PTBP3: variants seen among roughly 807,000 people sequenced by gnomAD.
PTBP3 encodes the protein polypyrimidine tract binding protein 3, also known as polypyrimidine tract-binding protein 3.
A neutral mutation model predicts 58.7 loss-of-function variants in PTBP3; 20 were observed. That is an observed-to-expected ratio of 0.34 (90% confidence interval 0.24 to 0.50). The LOEUF (loss-of-function observed/expected upper bound fraction) is 0.50, where lower values mean the gene tolerates loss of function less well. Ranked by LOEUF, PTBP3 falls within the 20% of genes least tolerant of loss-of-function variation. PTBP3 has a pLI of 0.98. For missense variants in PTBP3, 509 were observed against 637.2 expected, an observed-to-expected ratio of 0.80 and a Z score of 2.17; for synonymous variants, 185 against 219.8, an observed-to-expected ratio of 0.84 and a Z score of 1.40.
chr9:112,374,810 A>G, the PTBP3 span, among the ~76,000 whole-genome samples: 1 of 152,238 alleles, frequency 6.6e-6, no homozygotes, highest in African/African-American at 2.4e-5. Flanking sequence ...CCATATCCAG[A>G]GTAAGTGTCT....
In PTBP3 at chr9:112,268,146, T is replaced by A; in HGVS notation, c.254A>T (p.Tyr85Phe). 6.2e-7 allele frequency: 1 copy of A among 1,613,498 alleles called. No individual in the cohort carries two copies. Among genetic ancestry groups the A allele is most frequent in the Non-Finnish European group, 8.5e-7 (1 of 1,179,842 alleles). ...SEEAAVTMVNYYTPITPHLRS... is the reference protein window; with the variant it reads ...SEEAAVTMVNFYTPITPHLRS... ...AAGGTGAGGAGTAATAGGAGTGTAA[T>A]AATTCACCATAGTAACGGCAGCTTC... Residue 85 changes from tyrosine to phenylalanine, a missense_variant, in exon 4 of 14, where the codon TAT becomes TTT. Tyr to Phe is a conservative substitution (Grantham distance 22). This residue lies in a region of PTBP3 where 212 missense variants were observed against 215.3 expected (regional missense o/e 0.98). Coordinates refer to ENST00000374257, the MANE Select transcript of PTBP3 (RefSeq NM_001163788.4).
intron 2 of PTBP3, among the ~76,000 whole-genome samples, chr9:112,290,672 T>TAA (rs141146042): frequency 0.012 from 617 of 52,984 alleles, 16 homozygotes; most frequent in East Asian, 0.055. Flanking sequence ...ACTCTGTCTT[T>TAA]AAAAAAAAAA....
the PTBP3 span, among the ~76,000 whole-genome samples, chr9:112,377,097 T>C: frequency 6.6e-6 from 1 of 152,178 alleles, no homozygotes; most frequent in East Asian, 1.9e-4. Context: ...GCCAACTAAT[T>C]TACAGGTTGA....
the PTBP3 span, among the ~76,000 whole-genome samples, chr9:112,376,156 G>GATATATATATATATATATAT: frequency 2.0e-3 from 230 of 116,772 alleles, 1 homozygote; most frequent in African/African-American, 5.9e-3. Flanking sequence ...TTCTCTAGAG[G>GATATATATATATATATATAT]ATATATATAT....
the PTBP3 span, among the ~76,000 whole-genome samples, chr9:112,351,508 T>C: frequency 6.6e-6 from 1 of 152,196 alleles, no homozygotes; most frequent in Non-Finnish European, 1.5e-5. Context: ...CCTTTCCATA[T>C]TGTACTCTTT....
intron 11 of PTBP3, among the ~76,000 whole-genome samples, chr9:112,228,045 C>G (rs1441225122): frequency 6.6e-6 from 1 of 152,036 alleles, no homozygotes; most frequent in Non-Finnish European, 1.5e-5. Context: ...ACTTTTAAGC[C>G]ACTCAGTGGT....
chr9:112,347,254 C>A, the PTBP3 span, among the ~76,000 whole-genome samples: 1 of 151,632 alleles, frequency 6.6e-6, no homozygotes, highest in Admixed American at 6.6e-5. Context: ...AATACTATAT[C>A]ACAGTGAAAA....
At chr9:112,321,727 T>C (rs1829959355) in intron 1 of PTBP3, among the ~76,000 whole-genome samples, 1 of 152,052 alleles carries the variant, frequency 6.6e-6, no homozygotes, top group Admixed American at 6.6e-5. Flanking sequence ...ACTACTTAAA[T>C]GGTAACTCTG....
chr9:112,322,134 C>CAAAA lies in PTBP3; in HGVS notation c.-52+11332_-52+11335dup, dbSNP rs149553072. Among the ~76,000 whole-genome samples the CAAAA allele has an allele frequency of 2.5e-3, 167 of 67,828 alleles. 3 individuals carry two copies. Among genetic ancestry groups the CAAAA allele is most frequent in the Middle Eastern group, 0.01 (1 of 98 alleles). 44.5% of individuals were successfully genotyped at this position (67,828 alleles called of 152,430 possible). ...TAGGAGACAGAGCGAGACTCCATCT[C>CAAAA]AAAAAAAAAAAAAAAAAAAAAAGAA... On this transcript the variant is annotated intron_variant, in intron 1 of 13. Transcript: ENST00000374257.
intron 2 of PTBP3, chr9:112,280,842 G>A (rs1217341674): frequency 5.5e-5 from 3 of 54,068 alleles, no homozygotes; most frequent in Non-Finnish European, 9.4e-5. Flanking sequence ...TTTGTTATAA[G>A]AGAGATACAA....
At chr9:112,218,251 G>A (rs976214820), downstream of PTBP3, 1 of 152,224 alleles carries the variant, frequency 6.6e-6, no homozygotes, top group African/African-American at 2.4e-5. Context: ...CCTAAATGAA[G>A]ACAGAGACAG....
At chr9:112,275,187 G>C (rs1206066204) in intron 3 of PTBP3, among the ~76,000 whole-genome samples, 1 of 151,464 alleles carries the variant, frequency 6.6e-6, no homozygotes, top group African/African-American at 2.4e-5. Context: ...ATAGGCTGGA[G>C]TGCAATGGCA....
chr9:112,330,776 A>G (rs934639330), intron 1 of PTBP3, among the ~76,000 whole-genome samples: 2 of 152,234 alleles, frequency 1.3e-5, no homozygotes, highest in Admixed American at 1.3e-4. Context: ...TCTATTTAAC[A>G]AAGCCAAACC....
At chr9:112,245,843 A>G (rs980159771) in intron 7 of PTBP3, among the ~76,000 whole-genome samples, 43 of 152,330 alleles carry the variant, frequency 2.8e-4, no homozygotes, top group African/African-American at 9.6e-4. Flanking sequence ...AAACGAAAGT[A>G]GGAAATTATA....
chr9:112,330,379 G>T, intron 1 of PTBP3: 1 of 1,232,484 alleles, frequency 8.1e-7, no homozygotes, highest in Non-Finnish European at 1.2e-6. Context: ...ATGAACAGGT[G>T]AGACTGAAAA....
chr9:112,311,590 C>T (rs1829475855), intron 1 of PTBP3, among the ~76,000 whole-genome samples: 4 of 152,072 alleles, frequency 2.6e-5, no homozygotes, highest in African/African-American at 9.7e-5. Context: ...ACAGAGCCAA[C>T]TGGAGAACTT....
At chr9:112,328,682 T>C (rs1413287529) in intron 1 of PTBP3, among the ~76,000 whole-genome samples, 1 of 152,016 alleles carries the variant, frequency 6.6e-6, no homozygotes, top group Non-Finnish European at 1.5e-5. Context: ...ACTAGCTACT[T>C]TGGAGGCTGA....
intron 7 of PTBP3, among the ~76,000 whole-genome samples, chr9:112,250,236 A>T (rs1836052736): frequency 6.6e-6 from 1 of 152,164 alleles, no homozygotes; most frequent in Non-Finnish European, 1.5e-5. Context: ...CACAAAAGGT[A>T]GTAATACTTT....
At chr9:112,332,943 C>T (rs1830437926) in intron 1 of PTBP3, 1 of 1,495,684 alleles carries the variant, frequency 6.7e-7, no homozygotes, top group South Asian at 1.4e-5. Flanking sequence ...CCTGGGACCC[C>T]GCGTGGGACC....
Sources: gnomAD v4.1 joint callset for allele counts (sites outside exome capture counted in the v4.1 genomes callset) on GRCh38, gnomAD v4.1.1 for gene constraint, gnomAD v4.1.1 regional missense constraint, MANE v1.5 for transcripts, NCBI Gene and HGNC (gene_info 2026-07-23, HGNC 2026-07-21) for gene names.